Variants in GOLM1 observed in about 807,000 individuals in gnomAD.
GOLM1 encodes epididymis luminal protein 46.
In GOLM1, 31 loss-of-function variants were observed where a neutral mutation model predicts 50.5. The ratio of observed to expected loss-of-function variants is 0.61; its 90% CI spans 0.46 to 0.83. The LOEUF (loss-of-function observed/expected upper bound fraction) is 0.83. Among genes scored for constraint, GOLM1 ranks in the 40% least tolerant of loss-of-function variants. The probability of loss-of-function intolerance (pLI) is 0.00; values close to 1 mark genes in which losing one functional copy is unlikely to be tolerated. For missense variants in GOLM1, 491 were observed against 501.3 expected, an observed-to-expected ratio of 0.98 and a Z score of 0.20; for synonymous variants, 178 against 192.8, an observed-to-expected ratio of 0.92 and a Z score of 0.64.
chr9:86,052,680 C>A (rs918591905), intron 3 of GOLM1, 89 bp from the exon 4 acceptor site: 8 of 1,067,104 alleles, frequency 7.5e-6, no homozygotes, highest in Non-Finnish European at 1.2e-5. Flanking sequence ...TGGGGCCTGT[C>A]CCCAACCCAG....
chr9:86,054,975 G>T (rs1241245138), intron 3 of GOLM1, among the ~76,000 whole-genome samples: 1 of 152,164 alleles, frequency 6.6e-6, no homozygotes, highest in Non-Finnish European at 1.5e-5. Flanking sequence ...TCCCATTCCT[G>T]CTTAGTGGTG....
At chr9:86,034,966 C>A in intron 8 of GOLM1, 2 of 870,128 alleles carry the variant, frequency 2.3e-6, no homozygotes, top group Non-Finnish European at 2.8e-6. Flanking sequence ...CCCAATATTC[C>A]TTCCTTCCTT....
chr9:86,097,620 T>C (rs1241943440), intron 1 of GOLM1, among the ~76,000 whole-genome samples: 1 of 152,170 alleles, frequency 6.6e-6, no homozygotes, highest in East Asian at 1.9e-4. Flanking sequence ...CTCCCACCAA[T>C]AGTGCCCATC....
In GOLM1 at chr9:86,027,222, A is replaced by T; in HGVS notation, c.*595T>A. ...ACAAGTAGCCTTTTAAAAAATTCTC[A>T]CACAGAACAGCTTTGTATTTAGACT... On this transcript the variant is annotated 3_prime_UTR_variant, in exon 10 of 10. Coordinates refer to ENST00000388712, the MANE Select transcript of GOLM1 (RefSeq NM_016548.4). 1 of 985,390 alleles carries T rather than the reference A, an allele frequency of 1.0e-6. No individual in the cohort carries two copies. The highest frequency in any genetic ancestry group is 1.2e-6 in the Non-Finnish European group (1 of 829,912). 61.0% of individuals were successfully genotyped at this position (985,390 alleles called of 1,614,324 possible). A position where few individuals can be genotyped will look rare whatever the true frequency, so the allele number is the denominator to read the frequency against.
chr9:86,079,072 C>T (rs1020964041), intron 2 of GOLM1, 120 bp downstream of exon 2: 12 of 851,462 alleles, frequency 1.4e-5, no homozygotes, highest in South Asian at 2.0e-5. Context: ...ACCTTACAAG[C>T]GTGTGCCCTG....
At chr9:86,074,922 AAAT>A (rs1834568155) in intron 3 of GOLM1, among the ~76,000 whole-genome samples, 1 of 152,204 alleles carries the variant, frequency 6.6e-6, no homozygotes, top group African/African-American at 2.4e-5. Flanking sequence ...AGGAAAAAAA[AAAT>A]CTGCTACGGT....
chr9:86,067,383 T>TA (rs1205601902), intron 3 of GOLM1, among the ~76,000 whole-genome samples: 1 of 152,240 alleles, frequency 6.6e-6, no homozygotes, highest in Admixed American at 6.5e-5. Flanking sequence ...TTAGGCCCCT[T>TA]AAAAACCTGT....
chr9:86,056,124 C>T (rs1833978713), intron 3 of GOLM1, among the ~76,000 whole-genome samples: 1 of 89,164 alleles, frequency 1.1e-5, no homozygotes, highest in Admixed American at 9.1e-5. Context: ...TCTGTCCATT[C>T]CCCTTAGCTC....
chr9:86,088,916 T>A (rs1241298058), intron 1 of GOLM1, among the ~76,000 whole-genome samples: 3 of 152,218 alleles, frequency 2.0e-5, no homozygotes, highest in Non-Finnish European at 4.4e-5. Context: ...TTCCTTTCCA[T>A]ATTTAGTGCT....
At chr9:86,073,186 G>C (rs1260172458) in intron 3 of GOLM1, among the ~76,000 whole-genome samples, 1 of 151,146 alleles carries the variant, frequency 6.6e-6, no homozygotes, top group African/African-American at 2.4e-5. Flanking sequence ...CCGGTTTCTA[G>C]ATCAGCTAGC....
In GOLM1 at chr9:86,044,953, CA is replaced by C. The variant is rs887324936; in HGVS notation, c.467+1516del. Among the ~76,000 whole-genome samples the C allele has an allele frequency of 5.4e-4, 75 of 140,164 alleles. 1 individual carries two copies. The highest frequency in any genetic ancestry group is 4.8e-3 in the Admixed American group (68 of 14,104). 92.0% of individuals were successfully genotyped at this position (140,164 alleles called of 152,430 possible). A position where few individuals can be genotyped will look rare whatever the true frequency, so the allele number is the denominator to read the frequency against. ...GGAAACGAGCTGTGAAACTCCATCT[CA>C]AAAAAAAAAGAGGCTATAGCTAATG... On this transcript the variant is annotated intron_variant, in intron 5 of 9. Coordinates refer to ENST00000388712, the MANE Select transcript of GOLM1 (RefSeq NM_016548.4).
rs112490880 is a variant in GOLM1 at position 86,077,133 on chromosome 9, AC to A, written c.309+278del. Among the ~76,000 whole-genome samples, 13 of 152,006 alleles carry A rather than the reference AC, an allele frequency of 8.6e-5. No individual in the cohort carries two copies. The East Asian group carries it at 2.3e-3, about 27-fold the overall frequency. On this transcript the variant is annotated intron_variant, in intron 3 of 9. Coordinates refer to ENST00000388712, the MANE Select transcript of GOLM1 (RefSeq NM_016548.4). ...TGTTTGTGGAAAGTGGGAAGAAAAA[AC>A]CCAATAGGAGAAAAAAAAAAGCCAA...
At chr9:86,082,376 CTTT>C (rs1351025846) in intron 1 of GOLM1, among the ~76,000 whole-genome samples, 1 of 102,464 alleles carries the variant, frequency 9.8e-6, no homozygotes, top group African/African-American at 4.1e-5. Flanking sequence ...CATTTCTTTT[CTTT>C]CCTTTTTTTT....
intron 9 of GOLM1, among the ~76,000 whole-genome samples, chr9:86,031,623 G>A (rs755386472): frequency 4.2e-4 from 63 of 151,426 alleles, no homozygotes; most frequent in Non-Finnish European, 2.9e-4. Context: ...CACCACGCCT[G>A]GCTAATTTTC....
At chr9:86,060,002 G>A (rs1167614109) in intron 3 of GOLM1, among the ~76,000 whole-genome samples, 3 of 148,066 alleles carry the variant, frequency 2.0e-5, no homozygotes, top group Non-Finnish European at 3.0e-5. Flanking sequence ...ATTAAAAAAT[G>A]GCTAAAATAA....
At chr9:86,079,376 C>G in intron 1 of GOLM1, 35 bp from the exon 2 acceptor site, 1 of 1,498,414 alleles carries the variant, frequency 6.7e-7, no homozygotes, top group Non-Finnish European at 9.1e-7. Flanking sequence ...AACATCAATA[C>G]TAGTTTTATC....
chr9:86,028,994 G>A (rs1053301002), intron 9 of GOLM1, among the ~76,000 whole-genome samples: 9 of 151,994 alleles, frequency 5.9e-5, no homozygotes, highest in Admixed American at 5.2e-4. Flanking sequence ...GACTACAGGC[G>A]CCCGCCACCA....
chr9:86,076,367 G>C (rs1204376840), intron 3 of GOLM1, among the ~76,000 whole-genome samples: 2 of 122,276 alleles, frequency 1.6e-5, no homozygotes, highest in Non-Finnish European at 1.6e-5. Context: ...GTTGCAGTGA[G>C]CCAAGAGGGC....
At chr9:86,045,048 G>A (rs566618613) in intron 5 of GOLM1, among the ~76,000 whole-genome samples, 1 of 151,940 alleles carries the variant, frequency 6.6e-6, no homozygotes. Flanking sequence ...TTTTATCATC[G>A]CATGTCTATC....
Sources: gnomAD v4.1 joint callset for allele counts (sites outside exome capture counted in the v4.1 genomes callset) on GRCh38, gnomAD v4.1.1 for gene constraint, MANE v1.5 for transcripts, NCBI Gene and HGNC (gene_info 2026-07-23, HGNC 2026-07-21) for gene names.